Variants in RGS11 observed in about 807,000 individuals in gnomAD.
The protein encoded by RGS11 is regulator of G protein signaling 11.
A neutral mutation model predicts 71.1 loss-of-function variants in RGS11; 86 were observed. That is an observed-to-expected ratio of 1.21 (90% CI 1.02 to 1.45). The LOEUF is 1.45. Ranked by LOEUF, RGS11 falls within the 40% of genes most tolerant of loss-of-function variation. The probability of loss-of-function intolerance (pLI) is 0.00; values close to 1 mark genes in which losing one functional copy is unlikely to be tolerated. For missense variants in RGS11, 734 were observed against 635.1 expected, an observed-to-expected ratio of 1.16 and a Z score of -1.67; for synonymous variants, 298 against 254.2, an observed-to-expected ratio of 1.17 and a Z score of -1.64.
chr16:275,020 G>C lies in RGS11; in HGVS notation c.274C>G (p.Arg92Gly), dbSNP rs1001767884. Residue 92 changes from arginine to glycine, a missense_variant, in exon 4 of 17, where the codon CGT (arginine) becomes GGT (glycine). Transcript: ENST00000397770. ...HGYIYPLRDP[R>G]SLMLRPDETP... ...TCGTCTGGCCGGAGCATGAGGCTAC[G>C]GGGGTCGCGCAGCGGGTAGATGTAG... The C allele has an allele frequency of 6.6e-7, 1 of 1,518,500 alleles. No individual in the cohort carries two copies. Among genetic ancestry groups the C allele is most frequent in the East Asian group, 2.4e-5 (1 of 41,472 alleles). 94.1% of individuals were successfully genotyped at this position (1,518,500 alleles called of 1,614,324 possible).
chr16:273,535 C>A lies in RGS11; in HGVS notation c.528G>T (p.Lys176Asn), dbSNP rs775750171. The change falls in exon 8 of 17, where the codon AAG (lysine) becomes AAT (asparagine). Residue 176 changes from lysine (K) to asparagine (N), a missense_variant. Physicochemically the swap from Lys to Asn is moderately conservative, Grantham distance 94. Coordinates refer to ENST00000397770, the MANE Select transcript of RGS11 (RefSeq NM_183337.3). ...EQLRAAKQRS[K>N]GDRLVIACQE... is the part of the protein sequence containing the mutation. ...GGCACGCAATGACCAGCCTGTCCCCCTTGCTGCGCTGCTTGGCTGCCCTGG... is the reference window on the plus strand; with the variant it reads ...GGCACGCAATGACCAGCCTGTCCCCATTGCTGCGCTGCTTGGCTGCCCTGG... 1.2e-5 allele frequency: 19 copies of A among 1,560,174 alleles called. No individual in the cohort carries two copies. The highest frequency in any genetic ancestry group is 2.4e-5 in the East Asian group (1 of 42,262).
intron 3 of RGS11, 34 bp downstream of exon 3, chr16:275,249 G>T: frequency 6.2e-7 from 1 of 1,611,958 alleles, no homozygotes; most frequent in Non-Finnish European, 8.5e-7. Flanking sequence ...CCAGCCCAGT[G>T]ACCCCAGGGC....
At chr16:274,850 G>C in intron 4 of RGS11, 126 bp downstream of exon 4, 2 of 1,324,112 alleles carry the variant, frequency 1.5e-6, no homozygotes, top group Non-Finnish European at 2.1e-6. Flanking sequence ...ACCAGCCCAC[G>C]GCGACATGGC....
chr16:271,993 A>C (rs112423537), intron 9 of RGS11: 20,242 of 305,892 alleles, frequency 0.066, 1,616 homozygotes, highest in African/African-American at 0.25. Context: ...TGCGCCACCA[A>C]GCCCAGCTAA....
rs1390185897 is a variant in RGS11 at position 270,790 on chromosome 16, A to G, written c.1021T>C (p.Tyr341His). The change falls in exon 14 of 17, where the codon TAT becomes CAT. Residue 341 changes from tyrosine to histidine, a missense_variant. Transcript: ENST00000397770. Reference sequence around the variant, plus strand: ...GTGGGGACCTGGGCCTGCGCTCCATATCGAAGCTCCTCACATGCCTCCCAG... The same window carrying G: ...GTGGGGACCTGGGCCTGCGCTCCATGTCGAAGCTCCTCACATGCCTCCCAG... ...SFWEACEELRYGAQAQVPTLV... is the reference protein window; with the variant it reads ...SFWEACEELRHGAQAQVPTLV... The G allele has an allele frequency of 3.1e-6, 5 of 1,612,290 alleles. No homozygotes were observed. In the South Asian group the frequency reaches 4.4e-5, roughly 14 times the overall value.
Position 270,615 on chromosome 16 carries a change from G to A in RGS11, c.1114C>T (p.Arg372Trp), listed in dbSNP as rs144225083. ...GAAHWVNIDSRTMEQTLEGLR... is the reference protein window; with the variant it reads ...GAAHWVNIDSWTMEQTLEGLR... ...CCCTCCAGGGTCTGCTCCATGGTCCGGCTGTCGATGTTGACCCAGTGGGCA... is the reference window on the plus strand; with the variant it reads ...CCCTCCAGGGTCTGCTCCATGGTCCAGCTGTCGATGTTGACCCAGTGGGCA... Residue 372 changes from arginine to tryptophan, a missense_variant, in exon 15 of 17, where the codon CGG becomes TGG. Arg to Trp is a moderately radical substitution (Grantham distance 101, BLOSUM62 -3). Transcript: ENST00000397770. 3,158 of 1,607,962 alleles carry A rather than the reference G, an allele frequency of 2.0e-3. 8 individuals carry two copies. The highest frequency in any genetic ancestry group is 0.014 in the Middle Eastern group (85 of 6,054).
intron 15 of RGS11, 150 bp downstream of exon 15, chr16:270,372 GC>G: frequency 2.2e-6 from 2 of 908,176 alleles, no homozygotes; most frequent in African/African-American, 1.7e-5. Context: ...CAGGAGAGCG[GC>G]CAGGGCGGCC....
rs1329535695 is a variant in RGS11 at position 270,619 on chromosome 16, G to A, written c.1110C>T (p.Asp370=). ...CCAGGGTCTGCTCCATGGTCCGGCT[G>A]TCGATGTTGACCCAGTGGGCAGCTC... ...APGAAHWVNI[D]SRTMEQTLEG... is the part of the protein sequence containing the mutation. Residue 370 remains aspartate, a synonymous_variant, in exon 15 of 17, where the codon GAC becomes GAT. Coordinates refer to ENST00000397770, the MANE Select transcript of RGS11 (RefSeq NM_183337.3). 3.1e-6 allele frequency: 5 copies of A among 1,608,664 alleles called. No individual in the cohort carries two copies. In the South Asian group the frequency reaches 4.4e-5, roughly 14 times the overall value.
intron 1 of RGS11, 117 bp downstream of exon 1, chr16:275,732 A>AG (rs202190256): frequency 1 from 393,344 of 393,480 alleles, 196,605 homozygotes; most frequent in Middle Eastern, 1. Flanking sequence ...GGCCTCGCAG[A>AG]CCTCCGCCCC....
In RGS11 at chr16:272,884, G is replaced by T; in HGVS notation, c.636C>A (p.Cys212Ter). The T allele has an allele frequency of 6.5e-7, 1 of 1,539,400 alleles. No homozygotes were observed. Among genetic ancestry groups the T allele is most frequent in the Non-Finnish European group, 8.8e-7 (1 of 1,142,396 alleles). Residue 212 changes from cysteine (C) to a stop codon, truncating the protein, a stop_gained, in exon 9 of 17, where the codon TGC becomes TGA. Coordinates refer to ENST00000397770, the MANE Select transcript of RGS11 (RefSeq NM_183337.3). LOFTEE classifies it high-confidence loss of function. Reference sequence around the variant, plus strand: ...TCACCATGAGCACACGGCTGGCAGCGCAGGATCCCCGCCCTGGACCCTGCT... The same window carrying T: ...TCACCATGAGCACACGGCTGGCAGCTCAGGATCCCCGCCCTGGACCCTGCT... ...VLEQGPGRGS[C>*]AASRVLMTKS...
rs1038120646 is a variant in RGS11 at position 273,462 on chromosome 16, C to T, written c.588+13G>A. ...TGGCCAGCGACCCCCACCCTCACCG[C>T]AGGTGGGCTCACCGGGGGCCTGTTC... On this transcript the variant is annotated intron_variant, in intron 8 of 16. Coordinates refer to ENST00000397770, the MANE Select transcript of RGS11 (RefSeq NM_183337.3). 1 of 1,543,674 alleles carries T rather than the reference C, an allele frequency of 6.5e-7. No homozygotes were observed. Among genetic ancestry groups the T allele is most frequent in the Non-Finnish European group, 8.8e-7 (1 of 1,142,730 alleles).
intron 9 of RGS11, 94 bp from the exon 10 acceptor site, chr16:271,663 G>T: frequency 8.1e-7 from 1 of 1,237,860 alleles, no homozygotes. Context: ...CTGAGCCCCT[G>T]CCCCATAGAT....
chr16:272,775 G>A (rs983644482), intron 9 of RGS11, 88 bp downstream of exon 9: 45 of 1,530,588 alleles, frequency 2.9e-5, no homozygotes, highest in Middle Eastern at 2.3e-4. Context: ...ACCAAATGAC[G>A]GACAGATGGG....
rs2051800609 is a variant in RGS11, at chr16:269,181, C to A, written c.*88G>T. On this transcript the variant is annotated 3_prime_UTR_variant, in exon 17 of 17. Coordinates refer to ENST00000397770, the MANE Select transcript of RGS11 (RefSeq NM_183337.3). ...ACACTGGTGCTGGGTTCAGCAGCCC[C>A]CAGGACCTGGGCCAAGACGGGGGTG... The A allele has an allele frequency of 9.1e-7, 1 of 1,099,748 alleles. No homozygotes were observed. Among genetic ancestry groups the A allele is most frequent in the South Asian group, 1.3e-5 (1 of 74,766 alleles). 68.1% of individuals were successfully genotyped at this position (1,099,748 alleles called of 1,614,324 possible).
At chr16:269,811 C>T in intron 15 of RGS11, 1 of 534,462 alleles carries the variant, frequency 1.9e-6, no homozygotes. Context: ...TGGCAAGAGC[C>T]CTGGTGGCCA....
intron 9 of RGS11, chr16:272,557 T>G (rs943178978): frequency 6.9e-7 from 1 of 1,446,150 alleles, no homozygotes; most frequent in African/African-American, 1.4e-5. Context: ...TTGTCACCCC[T>G]CCAATTCCCA....
rs1034197044 is a variant in RGS11 at position 275,388 on chromosome 16, C to T, written c.160+14G>A. 2.5e-6 allele frequency: 4 copies of T among 1,608,762 alleles called. No homozygotes were observed. The highest frequency in any genetic ancestry group is 3.4e-6 in the Non-Finnish European group (4 of 1,179,420). On this transcript the variant is annotated intron_variant, in intron 2 of 16. Transcript: ENST00000397770. ...GCCGAGGCGCGCACGCACCCCCGCC[C>T]CGGCGCGCCTCACCTGTCACCGCGT...
Position 275,923 on chromosome 16 carries a change from G to A in RGS11, c.-12C>T. The A allele has an allele frequency of 4.8e-6, 3 of 628,606 alleles. No homozygotes were observed. The highest frequency in any genetic ancestry group is 5.8e-6 in the Non-Finnish European group (3 of 520,236). The allele number at this position is 628,606 out of a possible 1,614,324, so 38.9% of individuals were successfully genotyped here. ...GGGCCGGCGGCCATGGCTGCGGGGC[G>A]AGGCCGGCGGGGATGACCGACGTCC... On this transcript the variant is annotated 5_prime_UTR_variant, in exon 1 of 17. Transcript: ENST00000397770.
chr16:270,805 A>G lies in RGS11; in HGVS notation c.1006T>C (p.Cys336Arg), dbSNP rs757147612. ...SGENLSFWEACEELRYGAQAQ... is the reference protein window; with the variant it reads ...SGENLSFWEAREELRYGAQAQ... ...TGCGCTCCATATCGAAGCTCCTCAC[A>G]TGCCTCCCAGAAGCTGAGGTTTTCT... The change falls in exon 14 of 17, where the codon TGT (cysteine) becomes CGT (arginine). Residue 336 changes from cysteine to arginine, a missense_variant. Transcript: ENST00000397770. The G allele has an allele frequency of 6.2e-7, 1 of 1,612,202 alleles. No individual in the cohort carries two copies. The highest frequency in any genetic ancestry group is 8.5e-7 in the Non-Finnish European group (1 of 1,179,828).
Sources: gnomAD v4.1 joint callset for allele counts on GRCh38, gnomAD v4.1.1 for gene constraint, MANE v1.5 for transcripts, NCBI Gene and HGNC (gene_info 2026-07-23, HGNC 2026-07-21) for gene names.